Variants in PAK5 observed in about 807,000 individuals in gnomAD.
PAK5 encodes the protein serine/threonine-protein kinase PAK 5.
Under a neutral mutation model 65.9 loss-of-function variants are expected in PAK5, and 16 were observed. The ratio of observed to expected loss-of-function variants is 0.24; its 90% CI spans 0.16 to 0.37. The LOEUF (loss-of-function observed/expected upper bound fraction) is 0.37. Among genes scored for constraint, PAK5 ranks in the 10% least tolerant of loss-of-function variants. The pLI is 1.00. For missense variants in PAK5, 785 were observed against 903.9 expected, an observed-to-expected ratio of 0.87 and a Z score of 1.69; for synonymous variants, 371 against 354.9, an observed-to-expected ratio of 1.05 and a Z score of -0.51.
At chr20:9,651,477 T>C (rs529060029) in intron 2 of PAK5, among the ~76,000 whole-genome samples, 18 of 152,276 alleles carry the variant, frequency 1.2e-4, no homozygotes, top group African/African-American at 4.3e-4. Flanking sequence ...TTCAACCTTT[T>C]CAAAACAATG....
At chr20:9,578,494 T>C (rs1423388409) in intron 4 of PAK5, among the ~76,000 whole-genome samples, 1 of 152,062 alleles carries the variant, frequency 6.6e-6, no homozygotes, top group African/African-American at 2.4e-5. Context: ...AAATGCAGCA[T>C]CATCTGGGCA....
intron 1 of PAK5, among the ~76,000 whole-genome samples, chr20:9,824,684 C>T (rs1452882439): frequency 2.6e-5 from 4 of 152,078 alleles, no homozygotes; most frequent in African/African-American, 7.2e-5. Flanking sequence ...TCTGACCATC[C>T]TATTTAAAAT....
intron 1 of PAK5, among the ~76,000 whole-genome samples, chr20:9,813,469 G>T (rs2049321240): frequency 6.6e-6 from 1 of 151,882 alleles, no homozygotes. Context: ...GTTTAAATAG[G>T]CAAATACATA....
chr20:9,692,800 C>G lies in PAK5; in HGVS notation c.-12+18486G>C, dbSNP rs552895854. ...TGAGTGAGAGTTCACCTGGGCCAAT[C>G]AATACCAGCTTGGCAGCTGTGTGAG... is the stretch of plus-strand genomic sequence containing the variant. On this transcript the variant is annotated intron_variant, in intron 2 of 9. Coordinates refer to ENST00000353224, the MANE Select transcript of PAK5 (RefSeq NM_177990.4). Among the ~76,000 whole-genome samples, 206 of 152,168 alleles carry G rather than the reference C, an allele frequency of 1.4e-3. 4 individuals carry two copies. Among genetic ancestry groups the G allele is most frequent in the Admixed American group, 0.01 (157 of 15,276 alleles).
At chr20:9,648,594 T>C (rs1362149811) in intron 2 of PAK5, among the ~76,000 whole-genome samples, 1 of 152,082 alleles carries the variant, frequency 6.6e-6, no homozygotes, top group Non-Finnish European at 1.5e-5. Flanking sequence ...GCAAATAGGC[T>C]TTTTTTCTAG....
chr20:9,815,164 A>G lies in PAK5; in HGVS notation c.-162+23598T>C, dbSNP rs113956485. 3.0e-3 allele frequency among the ~76,000 whole-genome samples: 461 copies of G among 152,292 alleles called. 7 individuals are homozygous for G. The highest frequency in any genetic ancestry group is 0.01 in the African/African-American group (425 of 41,576). On this transcript the variant is annotated intron_variant, in intron 1 of 9. Coordinates refer to ENST00000353224, the MANE Select transcript of PAK5 (RefSeq NM_177990.4). ...CGAGAATGGCACCAAAAAATTCATGAAGGATCCGCCCCCATGATCCAAACA... is the reference window on the plus strand; with the variant it reads ...CGAGAATGGCACCAAAAAATTCATGGAGGATCCGCCCCCATGATCCAAACA...
At chr20:9,837,174 C>T (rs1979215878) in intron 1 of PAK5, among the ~76,000 whole-genome samples, 1 of 152,226 alleles carries the variant, frequency 6.6e-6, no homozygotes, top group African/African-American at 2.4e-5. Context: ...GCCAGCGTTA[C>T]CAAGGAACTT....
chr20:9,807,219 G>T (rs1012725047), intron 1 of PAK5, among the ~76,000 whole-genome samples: 1 of 152,156 alleles, frequency 6.6e-6, no homozygotes, highest in African/African-American at 2.4e-5. Flanking sequence ...TCTGGGGATT[G>T]AGATGTAGAC....
chr20:9,649,370 C>G (rs1374769117), intron 2 of PAK5, among the ~76,000 whole-genome samples: 1 of 152,198 alleles, frequency 6.6e-6, no homozygotes, highest in Non-Finnish European at 1.5e-5. Context: ...TACTGCAAAA[C>G]TCACAGCAAA....
At chr20:9,783,243 T>C (rs1203725458) in intron 1 of PAK5, among the ~76,000 whole-genome samples, 1 of 152,132 alleles carries the variant, frequency 6.6e-6, no homozygotes, top group Admixed American at 6.6e-5. Context: ...GCCAAGTTTG[T>C]CTACTTTTTC....
intron 2 of PAK5, among the ~76,000 whole-genome samples, chr20:9,687,628 G>A (rs988553950): frequency 1.3e-5 from 2 of 152,154 alleles, no homozygotes; most frequent in East Asian, 3.9e-4. Flanking sequence ...AATACATGGT[G>A]ATTTTGAAAC....
intron 1 of PAK5, among the ~76,000 whole-genome samples, chr20:9,824,957 C>T (rs1430192580): frequency 6.6e-6 from 1 of 152,102 alleles, no homozygotes; most frequent in Admixed American, 6.6e-5. Context: ...GTGAGTGACT[C>T]GTTGGGAATG....
At chr20:9,767,952 A>C (rs1377262103) in intron 1 of PAK5, among the ~76,000 whole-genome samples, 1 of 152,224 alleles carries the variant, frequency 6.6e-6, no homozygotes, top group African/African-American at 2.4e-5. Context: ...ATGTCTTTGC[A>C]GCAGCATGAA....
chr20:9,579,837 A>ACAGT (rs1180667683), intron 4 of PAK5, among the ~76,000 whole-genome samples: 8 of 152,248 alleles, frequency 5.3e-5, no homozygotes, highest in African/African-American at 1.9e-4. Context: ...TTAGTCAAAT[A>ACAGT]CAGTCACATC....
At chr20:9,636,336 G>A (rs915456545) in intron 3 of PAK5, among the ~76,000 whole-genome samples, 1 of 152,092 alleles carries the variant, frequency 6.6e-6, no homozygotes, top group Non-Finnish European at 1.5e-5. Flanking sequence ...AAACTACGAT[G>A]GGAGAGAAAA....
chr20:9,604,790 C>T (rs910706257), intron 3 of PAK5, among the ~76,000 whole-genome samples: 3 of 152,118 alleles, frequency 2.0e-5, no homozygotes, highest in Non-Finnish European at 4.4e-5. Flanking sequence ...GTCAGTTTTC[C>T]GCCTCCAAGG....
chr20:9,649,323 T>C (rs1280533853), intron 2 of PAK5, among the ~76,000 whole-genome samples: 1 of 152,210 alleles, frequency 6.6e-6, no homozygotes, highest in African/African-American at 2.4e-5. Flanking sequence ...TAGAGAAGGA[T>C]AGTAAACAGA....
At chr20:9,576,267 C>T (rs905309782) in intron 4 of PAK5, among the ~76,000 whole-genome samples, 15 of 152,196 alleles carry the variant, frequency 9.9e-5, no homozygotes, top group African/African-American at 3.6e-4. Flanking sequence ...AAGACTCAAA[C>T]CCAGGCAGTT....
chr20:9,665,733 A>T (rs773118834), intron 2 of PAK5, among the ~76,000 whole-genome samples: 2 of 151,796 alleles, frequency 1.3e-5, no homozygotes, highest in Non-Finnish European at 2.9e-5. Context: ...GCCTCAAGCA[A>T]TCCTCCTACC....
Sources: gnomAD v4.1 joint callset for allele counts (sites outside exome capture counted in the v4.1 genomes callset) on GRCh38, gnomAD v4.1.1 for gene constraint, MANE v1.5 for transcripts, NCBI Gene and HGNC (gene_info 2026-07-23, HGNC 2026-07-21) for gene names.